The following CLASP1 variants were observed in gnomAD, a reference collection of about 807,000 sequenced individuals.
CLASP1 encodes cytoplasmic linker associated protein 1.
In CLASP1, 38 loss-of-function variants were observed where a neutral mutation model predicts 192.3. That is an observed-to-expected ratio of 0.20 (90% CI 0.15 to 0.26). The LOEUF is 0.26. Ranked by LOEUF, CLASP1 falls within the 10% of genes least tolerant of loss-of-function variation. The pLI, the probability that CLASP1 is intolerant of heterozygous loss-of-function variation, is 1.00. For missense variants in CLASP1, 1,433 were observed against 1,932.5 expected, an observed-to-expected ratio of 0.74 and a Z score of 4.85; for synonymous variants, 691 against 712.8, an observed-to-expected ratio of 0.97 and a Z score of 0.49.
intron 2 of CLASP1, among the ~76,000 whole-genome samples, chr2:121,597,608 C>T (rs1454634239): frequency 1.3e-5 from 2 of 152,156 alleles, no homozygotes; most frequent in Non-Finnish European, 2.9e-5. Context: ...CATGTTAGTT[C>T]ACTTCAGGTC....
rs114866249 is a variant in CLASP1 at position 121,584,591 on chromosome 2, A to T, written c.195+21110T>A. Among the ~76,000 whole-genome samples the T allele has an allele frequency of 5.5e-3, 826 of 151,546 alleles. 11 individuals carry two copies. Among genetic ancestry groups the T allele is most frequent in the African/African-American group, 0.019 (771 of 41,356 alleles). On this transcript the variant is annotated intron_variant, in intron 2 of 39. Transcript: ENST00000263710. ...GACTGCTTATTTCCAGAATAGATTT[A>T]AAAAAAAATAAAAATGGTGGGGTAT...
chr2:121,643,686 T>C (rs183010773), intron 1 of CLASP1, among the ~76,000 whole-genome samples: 5 of 152,294 alleles, frequency 3.3e-5, no homozygotes, highest in Admixed American at 2.0e-4. Context: ...AACTGGTAAG[T>C]GGGTGTTTCT....
chr2:121,594,455 T>G (rs1303359615), intron 2 of CLASP1, among the ~76,000 whole-genome samples: 2 of 151,094 alleles, frequency 1.3e-5, no homozygotes, highest in East Asian at 2.0e-4. Context: ...TGCAGTGGCA[T>G]GATCTCAGGT....
intron 7 of CLASP1, among the ~76,000 whole-genome samples, chr2:121,507,225 G>A (rs545558864): frequency 3.1e-4 from 47 of 152,130 alleles, no homozygotes; most frequent in Non-Finnish European, 5.3e-4. Flanking sequence ...ACCAAATAGA[G>A]AAAAACAACA....
chr2:121,633,419 A>C (rs2070185778), intron 1 of CLASP1, among the ~76,000 whole-genome samples: 1 of 146,336 alleles, frequency 6.8e-6, no homozygotes, highest in African/African-American at 2.7e-5. Context: ...CAAGTTTCCT[A>C]AAAGAACAAT....
At chr2:121,505,966 A>G (rs2093934386) in intron 7 of CLASP1, among the ~76,000 whole-genome samples, 1 of 152,152 alleles carries the variant, frequency 6.6e-6, no homozygotes, top group African/African-American at 2.4e-5. Context: ...AAAAAGAGAA[A>G]TCAACATAAA....
chr2:121,422,470 A>C (rs999136814), intron 22 of CLASP1, among the ~76,000 whole-genome samples: 3 of 152,224 alleles, frequency 2.0e-5, no homozygotes, highest in East Asian at 3.8e-4. Context: ...GAAGGGAACA[A>C]GGGCAAACTT....
rs575151089 is a variant in CLASP1 at position 121,577,896 on chromosome 2, C to T, written c.195+27805G>A. ...TCAAGAGTACCCTGGGCAACACAGA[C>T]GACCCTATCTCTACAAAAATTTCAT... On this transcript the variant is annotated intron_variant, in intron 2 of 39. Transcript: ENST00000263710. Among the ~76,000 whole-genome samples, 300 of 152,098 alleles carry T rather than the reference C, an allele frequency of 2.0e-3. 1 individual carries two copies. The highest frequency in any genetic ancestry group is 5.8e-3 in the African/African-American group (241 of 41,478).
intron 32 of CLASP1, among the ~76,000 whole-genome samples, chr2:121,385,698 T>C (rs1354455069): frequency 6.6e-6 from 1 of 152,248 alleles, no homozygotes; most frequent in Non-Finnish European, 1.5e-5. Flanking sequence ...ATGAACTGTA[T>C]ATTATGGAAG....
chr2:121,356,506 G>A (rs1162843974), intron 37 of CLASP1, among the ~76,000 whole-genome samples: 7 of 152,172 alleles, frequency 4.6e-5, no homozygotes, highest in Admixed American at 3.3e-4. Flanking sequence ...TTTGGCTCTG[G>A]TTCTGGCATC....
chr2:121,428,513 T>C (rs2080841490), intron 20 of CLASP1, among the ~76,000 whole-genome samples: 1 of 152,202 alleles, frequency 6.6e-6, no homozygotes, highest in African/African-American at 2.4e-5. Flanking sequence ...AATATCCTTT[T>C]GTGTCTCCAG....
At chr2:121,505,154 C>A (rs535183008) in intron 7 of CLASP1, 91 of 152,300 alleles carry the variant, frequency 6.0e-4, no homozygotes, top group African/African-American at 2.0e-3. Context: ...TGCAAGTCTG[C>A]AAGTTAGAGC....
chr2:121,569,943 G>C (rs529133763), intron 2 of CLASP1, among the ~76,000 whole-genome samples: 4 of 152,168 alleles, frequency 2.6e-5, no homozygotes, highest in Admixed American at 6.5e-5. Flanking sequence ...GTGGTTAAGA[G>C]TGCAGACTCT....
At chr2:121,364,081 GT>G (rs1043504492) in intron 36 of CLASP1, 1 of 151,940 alleles carries the variant, frequency 6.6e-6, no homozygotes, top group African/African-American at 2.4e-5. Context: ...TTTTTAAAAA[GT>G]TTTTTTTAAA....
At chr2:121,639,896 C>T (rs112894414) in intron 1 of CLASP1, among the ~76,000 whole-genome samples, 11 of 149,984 alleles carry the variant, frequency 7.3e-5, no homozygotes, top group East Asian at 3.9e-4. Flanking sequence ...TTATAAATCA[C>T]GCTACTATAA....
At chr2:121,501,080 CT>C (rs1264694899) in intron 8 of CLASP1, among the ~76,000 whole-genome samples, 1 of 152,218 alleles carries the variant, frequency 6.6e-6, no homozygotes, top group African/African-American at 2.4e-5. Flanking sequence ...TGTACACACT[CT>C]TTTAGGCAAG....
At chr2:121,386,988 C>G (rs2073350669) in intron 32 of CLASP1, 134 bp downstream of exon 33, 1 of 747,534 alleles carries the variant, frequency 1.3e-6, no homozygotes, top group African/African-American at 1.7e-5. Context: ...TGAGTGAGGA[C>G]TAGAACCCAC....
At chr2:121,500,398 AAAG>A (rs1355120799) in intron 8 of CLASP1, among the ~76,000 whole-genome samples, 3 of 139,028 alleles carry the variant, frequency 2.2e-5, no homozygotes, top group East Asian at 4.8e-4. Context: ...GAAAGAAAGA[AAAG>A]AAAGAAAGAA....
chr2:121,478,830 C>CCACACACCA (rs1559367854), intron 8 of CLASP1, among the ~76,000 whole-genome samples: 14 of 59,812 alleles, frequency 2.3e-4, no homozygotes, highest in Non-Finnish European at 3.9e-4. Context: ...CAACCACACA[C>CCACACACCA]CACACACCAC....
Sources: gnomAD v4.1 joint callset for allele counts (sites outside exome capture counted in the v4.1 genomes callset) on GRCh38, gnomAD v4.1.1 for gene constraint, MANE v1.5 for transcripts, NCBI Gene and HGNC (gene_info 2026-07-23, HGNC 2026-07-21) for gene names.